SPPL3: variants seen among roughly 807,000 people sequenced by gnomAD.
The protein encoded by SPPL3 is signal peptide peptidase-like 3.
Under a neutral mutation model 42.4 loss-of-function variants are expected in SPPL3, and 5 were observed. The ratio of observed to expected loss-of-function variants is 0.12; its 90% confidence interval spans 0.06 to 0.25. The LOEUF (loss-of-function observed/expected upper bound fraction) is 0.25. Among genes scored for constraint, SPPL3 ranks in the 10% least tolerant of loss-of-function variants. The probability of loss-of-function intolerance (pLI) is 1.00; values close to 1 mark genes in which losing one functional copy is unlikely to be tolerated. For missense variants in SPPL3, 235 were observed against 489.0 expected, an observed-to-expected ratio of 0.48 and a Z score of 4.90; for synonymous variants, 195 against 181.8, an observed-to-expected ratio of 1.07 and a Z score of -0.58.
Position 120,847,007 on chromosome 12 carries a change from A to T in SPPL3, c.24-36121T>A, listed in dbSNP as rs927810761. 3.5e-4 allele frequency among the ~76,000 whole-genome samples: 54 copies of T among 152,174 alleles called. 1 individual carries two copies. On this transcript the variant is annotated intron_variant, in intron 1 of 10. Coordinates refer to ENST00000353487, the MANE Select transcript of SPPL3 (RefSeq NM_139015.5). Reference sequence around the variant, plus strand: ...GTTTATTATAACTAAATCTCAATAGACTTTTCTAAGATTTCCCCTCAGGCT... The same window carrying T: ...GTTTATTATAACTAAATCTCAATAGTCTTTTCTAAGATTTCCCCTCAGGCT...
At chr12:120,834,346 T>C (rs1871535749) in intron 1 of SPPL3, among the ~76,000 whole-genome samples, 1 of 152,134 alleles carries the variant, frequency 6.6e-6, no homozygotes, top group South Asian at 2.1e-4. Flanking sequence ...ATGTGATCGG[T>C]GGTCCATGAA....
chr12:120,784,992 C>T (rs1869668910), intron 3 of SPPL3, among the ~76,000 whole-genome samples: 1 of 152,118 alleles, frequency 6.6e-6, no homozygotes, highest in African/African-American at 2.4e-5. Context: ...CTTCTCATCA[C>T]CTGTGGGTTT....
At chr12:120,862,318 G>A (rs536467495) in intron 1 of SPPL3, among the ~76,000 whole-genome samples, 6 of 152,166 alleles carry the variant, frequency 3.9e-5, no homozygotes, top group African/African-American at 1.2e-4. Context: ...ATAATAATTA[G>A]ATGTTCATCA....
intron 1 of SPPL3, among the ~76,000 whole-genome samples, chr12:120,877,502 C>T (rs1409351146): frequency 6.6e-6 from 1 of 152,152 alleles, no homozygotes; most frequent in Non-Finnish European, 1.5e-5. Context: ...ATAACCCGGC[C>T]AGGAGTGGTG....
chr12:120,808,086 CTTTTT>C (rs63135760), intron 2 of SPPL3, among the ~76,000 whole-genome samples: 4 of 132,808 alleles, frequency 3.0e-5, no homozygotes, highest in Non-Finnish European at 4.9e-5. Context: ...AGTTTCTTTT[CTTTTT>C]TTTTTTTTTT....
intron 1 of SPPL3, among the ~76,000 whole-genome samples, chr12:120,832,752 T>C (rs758087595): frequency 6.6e-6 from 1 of 152,312 alleles, no homozygotes; most frequent in African/African-American, 2.4e-5. Flanking sequence ...AAACCCAAGA[T>C]TGCCCTCACA....
intron 1 of SPPL3, among the ~76,000 whole-genome samples, chr12:120,884,548 T>C (rs61946371): frequency 1.1e-5 from 1 of 87,690 alleles, no homozygotes; most frequent in Non-Finnish European, 2.2e-5. Flanking sequence ...ACTTGTATAA[T>C]TTAAAAAAAA....
chr12:120,884,808 GTTTTT>G (rs1555254341), intron 1 of SPPL3, among the ~76,000 whole-genome samples: 3 of 137,508 alleles, frequency 2.2e-5, no homozygotes, highest in Non-Finnish European at 3.1e-5. Context: ...TTTTTTTTGG[GTTTTT>G]TTTTTTTTTT....
At chr12:120,799,373 C>G (rs1870212819) in intron 2 of SPPL3, among the ~76,000 whole-genome samples, 1 of 152,110 alleles carries the variant, frequency 6.6e-6, no homozygotes, top group African/African-American at 2.4e-5. Context: ...AATCATACTG[C>G]CTTTGTACCA....
intron 3 of SPPL3, among the ~76,000 whole-genome samples, chr12:120,787,469 C>T (rs556679604): frequency 2.3e-4 from 35 of 152,100 alleles, no homozygotes; most frequent in Non-Finnish European, 4.1e-4. Context: ...AGAACAAGGT[C>T]AGGGGAAATC....
intron 2 of SPPL3, among the ~76,000 whole-genome samples, chr12:120,806,931 C>G (rs1430740231): frequency 6.6e-6 from 1 of 151,750 alleles, no homozygotes; most frequent in African/African-American, 2.4e-5. Context: ...TTTTATGGAT[C>G]ATGCTTTTGG....
In SPPL3 at chr12:120,780,246, G is replaced by A. The variant is rs569564801; in HGVS notation, c.502+2409C>T. Among the ~76,000 whole-genome samples the A allele has an allele frequency of 1.2e-3, 184 of 150,814 alleles. 1 individual carries two copies. The highest frequency in any genetic ancestry group is 2.0e-3 in the Non-Finnish European group (137 of 67,572). On this transcript the variant is annotated intron_variant, in intron 6 of 10. Coordinates refer to ENST00000353487, the MANE Select transcript of SPPL3 (RefSeq NM_139015.5). ...CCAGCACTTTGGGAGGACTGCTTGA[G>A]GCCAGGAGTTCAAGACCAGCCTGGG...
rs1392905406 is a variant in SPPL3, at chr12:120,764,708, G to GT, written c.*290dup. ...GTCAAATCTCCATCTCCCCCAGAAG[G>GT]TAACAGTCTGGTGCAGATCCATAAA... On this transcript the variant is annotated 3_prime_UTR_variant, in exon 11 of 11. Transcript: ENST00000353487. 3.7e-5 allele frequency: 15 copies of GT among 401,634 alleles called. No homozygotes were observed. In the East Asian group the frequency reaches 5.3e-4, roughly 14 times the overall value. The allele number at this position is 401,634 out of a possible 1,614,324, so 24.9% of individuals were successfully genotyped here.
chr12:120,890,588 C>T (rs1295132281), intron 1 of SPPL3, among the ~76,000 whole-genome samples: 63 of 91,470 alleles, frequency 6.9e-4, no homozygotes, highest in Non-Finnish European at 3.2e-4. Flanking sequence ...GACTCCGTCT[C>T]AAAAAAAAAA....
intron 8 of SPPL3, 86 bp from the exon 9 acceptor site, chr12:120,767,679 GGAGTCAAAGAGCTTATCTGCAT>G: frequency 7.3e-7 from 1 of 1,376,082 alleles, no homozygotes; most frequent in Non-Finnish European, 1.0e-6. Context: ...AGCTTTTTAA[GGAGTCAAAGAGCTTATCTGCAT>G]GGCAGATGGA....
At chr12:120,770,545 G>C (rs1869079399) in intron 6 of SPPL3, among the ~76,000 whole-genome samples, 1 of 152,120 alleles carries the variant, frequency 6.6e-6, no homozygotes, top group African/African-American at 2.4e-5. Context: ...GCTAGACACA[G>C]TAATCGACCT....
chr12:120,807,832 T>C (rs1870550441), intron 2 of SPPL3, among the ~76,000 whole-genome samples: 1 of 152,108 alleles, frequency 6.6e-6, no homozygotes, highest in African/African-American at 2.4e-5. Flanking sequence ...AAGACAAAAT[T>C]ACATAAATCT....
intron 1 of SPPL3, among the ~76,000 whole-genome samples, chr12:120,840,963 A>C (rs182033224): frequency 1.6e-4 from 22 of 138,056 alleles, no homozygotes; most frequent in African/African-American, 3.6e-4. Context: ...TTCATTCATT[A>C]ATAAATAAAT....
In SPPL3 at chr12:120,794,543, G is replaced by A. The variant is rs569612176; in HGVS notation, c.102-2986C>T. On this transcript the variant is annotated intron_variant, in intron 2 of 10. Transcript: ENST00000353487. ...CTCCCGAGTAGCTGGGACTACAGGC[G>A]CATGCCACCACACCCTGCTAATTTT... Among the ~76,000 whole-genome samples the A allele has an allele frequency of 5.9e-5, 9 of 152,052 alleles. No individual in the cohort carries two copies. In the East Asian group the frequency reaches 7.7e-4, roughly 13 times the overall value.
Sources: allele counts gnomAD v4.1 joint callset (sites outside exome capture counted in the v4.1 genomes callset), GRCh38; gene constraint gnomAD v4.1.1; transcripts MANE v1.5; gene names NCBI Gene and HGNC (gene_info 2026-07-23, HGNC 2026-07-21).